WNT6: variants seen among roughly 807,000 people sequenced by gnomAD.
WNT6 encodes the protein protein Wnt-6.
A neutral mutation model predicts 33.1 loss-of-function variants in WNT6; 27 were observed. The ratio of observed to expected loss-of-function variants is 0.82; its 90% CI spans 0.60 to 1.12. The LOEUF (loss-of-function observed/expected upper bound fraction) is 1.12. Ranked by LOEUF, WNT6 falls within the 50% of genes most tolerant of loss-of-function variation. WNT6 has a pLI of 0.00. For missense variants in WNT6, 494 were observed against 535.3 expected (o/e 0.92, Z 0.76); for synonymous variants, 249 against 242.8 (o/e 1.03, Z -0.24).
intron 1 of WNT6, among the ~76,000 whole-genome samples, chr2:218,868,410 A>C (rs1944370999): frequency 6.6e-6 from 1 of 152,182 alleles, no homozygotes; most frequent in African/African-American, 2.4e-5. Context: ...AGATAAGGCC[A>C]GGCAACCCTG....
At chr2:218,866,248 G>A (rs1944353793) in intron 1 of WNT6, among the ~76,000 whole-genome samples, 1 of 152,146 alleles carries the variant, frequency 6.6e-6, no homozygotes, top group Non-Finnish European at 1.5e-5. Flanking sequence ...AGTAGGGGTG[G>A]GGAAATAGAG....
At position 218,871,046 on chromosome 2, in the gene WNT6, G is replaced by A; in HGVS notation, c.100G>A (p.Val34Ile). The change falls in exon 2 of 4, where the codon GTT (valine) becomes ATT (isoleucine). Residue 34 changes from valine (V) to isoleucine (I), a missense_variant. Transcript: ENST00000233948. This position sits in a 1 kb window ranked among gnomAD's most constrained non-coding sequence, Gnocchi z 6.4. ...TTCCAGGGCTGTGGGCAGCCCCTTGGTTATGGACCCTACCAGCATCTGCAG... is the reference window on the plus strand; with the variant it reads ...TTCCAGGGCTGTGGGCAGCCCCTTGATTATGGACCCTACCAGCATCTGCAG... The part of the protein sequence containing the change: ...GLWWAVGSPL[V>I]MDPTSICRKA... 1.2e-6 allele frequency: 2 copies of A among 1,612,602 alleles called. No individual in the cohort carries two copies. The highest frequency in any genetic ancestry group is 2.7e-5 in the African/African-American group (2 of 75,046).
intron 1 of WNT6, among the ~76,000 whole-genome samples, chr2:218,866,187 G>A (rs1264278656): frequency 6.6e-6 from 1 of 152,180 alleles, no homozygotes; most frequent in African/African-American, 2.4e-5. Flanking sequence ...CCAGGGCTCA[G>A]GGCTCCCTCT....
rs1406581591 is a variant in WNT6 at position 218,859,870 on chromosome 2, C to T, written c.-168C>T. 7.3e-6 allele frequency: 2 copies of T among 275,776 alleles called. No homozygotes were observed. The highest frequency in any genetic ancestry group is 1.2e-5 in the Non-Finnish European group (2 of 169,504). 17.1% of individuals were successfully genotyped at this position (275,776 alleles called of 1,614,324 possible). A position where few individuals can be genotyped will look rare whatever the true frequency, so the allele number is the denominator to read the frequency against. Reference sequence around the variant, plus strand: ...TGCCCCGTCCGCTCTCCGCCTCCGCCGCGCCCTCCTCGCCCGGGATGGGCC... The same window carrying T: ...TGCCCCGTCCGCTCTCCGCCTCCGCTGCGCCCTCCTCGCCCGGGATGGGCC... On this transcript the variant is annotated 5_prime_UTR_variant, in exon 1 of 4. Coordinates refer to ENST00000233948, the MANE Select transcript of WNT6 (RefSeq NM_006522.4).
rs1355033573 is a variant in WNT6 at position 218,859,898 on chromosome 2, C to T, written c.-140C>T. The stretch of plus-strand genomic sequence containing the variant: ...GCCCTCCTCGCCCGGGATGGGCCCC[C>T]CCGCCGCCGCCGGATCCCTCGCCTC... On this transcript the variant is annotated 5_prime_UTR_variant, in exon 1 of 4. Coordinates refer to ENST00000233948, the MANE Select transcript of WNT6 (RefSeq NM_006522.4). 35 of 542,894 alleles carry T rather than the reference C, an allele frequency of 6.4e-5. No homozygotes were observed. Among genetic ancestry groups the T allele is most frequent in the Non-Finnish European group, 8.2e-5 (33 of 404,438 alleles). 33.6% of individuals were successfully genotyped at this position (542,894 alleles called of 1,614,324 possible).
chr2:218,867,562 G>T lies in WNT6; in HGVS notation c.81-3465G>T, dbSNP rs973351001. ...TCCATTGCCTTGTCCCTTCTTGTCC[G>T]CATACTGATTTCTTTTAGGGCTAGC... On this transcript the variant is annotated intron_variant, in intron 1 of 3. Coordinates refer to ENST00000233948, the MANE Select transcript of WNT6 (RefSeq NM_006522.4). This position sits in a 1 kb window ranked among gnomAD's most constrained non-coding sequence, Gnocchi z 4.9. 7.2e-5 allele frequency among the ~76,000 whole-genome samples: 11 copies of T among 152,198 alleles called. No homozygotes were observed. The highest frequency in any genetic ancestry group is 1.5e-4 in the Non-Finnish European group (10 of 68,042).
chr2:218,865,935 T>TG (rs910155677), intron 1 of WNT6, among the ~76,000 whole-genome samples: 68 of 19,284 alleles, frequency 3.5e-3, no homozygotes, highest in African/African-American at 0.013. Context: ...ATGGGGTGGC[T>TG]GGGGGGGCAG....
chr2:218,871,682 T>G lies in WNT6; in HGVS notation c.499T>G (p.Trp167Gly). The G allele has an allele frequency of 6.4e-7, 1 of 1,563,708 alleles. No individual in the cohort carries two copies. Among genetic ancestry groups the G allele is most frequent in the Non-Finnish European group, 8.7e-7 (1 of 1,156,040 alleles). Residue 167 changes from tryptophan (W) to glycine (G), a missense_variant, in exon 3 of 4, where the codon TGG becomes GGG. Trp to Gly is a radical substitution (Grantham distance 184). Coordinates refer to ENST00000233948, the MANE Select transcript of WNT6 (RefSeq NM_006522.4). This position sits in a 1 kb window ranked among gnomAD's most constrained non-coding sequence, Gnocchi z 6.4. The part of the protein sequence containing the change: ...PAGSPEGSAA[W>G]EWGGCGDDVD... ...GGGCTCCCCGGAAGGCAGCGCCGCCTGGGAGTGGGGAGGCTGCGGCGACGA... is the reference window on the plus strand; with the variant it reads ...GGGCTCCCCGGAAGGCAGCGCCGCCGGGGAGTGGGGAGGCTGCGGCGACGA...
rs1181663678 is a variant in WNT6, at chr2:218,871,893, T to C, written c.636+74T>C. The C allele has an allele frequency of 1.9e-5, 22 of 1,178,216 alleles. No individual in the cohort carries two copies. The highest frequency in any genetic ancestry group is 2.3e-5 in the Non-Finnish European group (21 of 910,360). The allele number at this position is 1,178,216 out of a possible 1,614,324, so 73.0% of individuals were successfully genotyped here. Reference sequence around the variant, plus strand: ...GCGCAGGAGTGTGCTTGAGGAAGTGTTGGCAGGAGTGAGGGTGTGTAGGTG... The same window carrying C: ...GCGCAGGAGTGTGCTTGAGGAAGTGCTGGCAGGAGTGAGGGTGTGTAGGTG... On this transcript the variant is annotated intron_variant, in intron 3 of 3. Coordinates refer to ENST00000233948, the MANE Select transcript of WNT6 (RefSeq NM_006522.4). The surrounding 1 kb of genome is among the most constrained non-coding windows in gnomAD (Gnocchi z 6.4).
At chr2:218,861,066 A>T (rs556773811) in intron 1 of WNT6, among the ~76,000 whole-genome samples, 1 of 152,352 alleles carries the variant, frequency 6.6e-6, no homozygotes, top group Non-Finnish European at 1.5e-5. Context: ...AATCCTAAGA[A>T]GGCAGGGTCG....
Position 218,873,918 on chromosome 2 carries a change from C to G in WNT6, c.*73C>G. The G allele has an allele frequency of 7.4e-7, 1 of 1,359,398 alleles. No individual in the cohort carries two copies. The highest frequency in any genetic ancestry group is 9.5e-7 in the Non-Finnish European group (1 of 1,052,308). The allele number at this position is 1,359,398 out of a possible 1,614,324, so 84.2% of individuals were successfully genotyped here. ...CTGTGGGACCTCAGGGCACCGGCAC[C>G]GGGCGCCTCTCGCCGCTCGAGCCCA... is the stretch of plus-strand genomic sequence containing the variant. On this transcript the variant is annotated 3_prime_UTR_variant, in exon 4 of 4. Transcript: ENST00000233948. The surrounding 1 kb of genome is among the most constrained non-coding windows in gnomAD (Gnocchi z 6.1).
intron 1 of WNT6, among the ~76,000 whole-genome samples, chr2:218,861,678 A>C (rs1408847488): frequency 1.3e-5 from 2 of 152,108 alleles, no homozygotes; most frequent in African/African-American, 4.8e-5. Context: ...CCCTTTTTCA[A>C]GGTGTGGGGA....
chr2:218,862,071 G>T (rs1453705600), intron 1 of WNT6, among the ~76,000 whole-genome samples: 1 of 152,174 alleles, frequency 6.6e-6, no homozygotes, highest in African/African-American at 2.4e-5. Context: ...TGGCAGCCAA[G>T]CCAAAGGAGA....
At position 218,867,640 on chromosome 2, in the gene WNT6, A is replaced by G. The variant is rs1391017933; in HGVS notation, c.81-3387A>G. 2.0e-5 allele frequency among the ~76,000 whole-genome samples: 3 copies of G among 152,088 alleles called. No homozygotes were observed. The highest frequency in any genetic ancestry group is 3.8e-4 in the East Asian group (2 of 5,202). The stretch of plus-strand genomic sequence containing the variant: ...CTGTTTGATGAGGATCCCAGATCCT[A>G]TATATTGTGTATTCCCTACTACCAC... On this transcript the variant is annotated intron_variant, in intron 1 of 3. Transcript: ENST00000233948. The surrounding 1 kb of genome is among the most constrained non-coding windows in gnomAD (Gnocchi z 4.9).
chr2:218,870,904 G>T, intron 1 of WNT6, 123 bp from the exon 2 acceptor site: 1 of 852,654 alleles, frequency 1.2e-6, no homozygotes, highest in Non-Finnish European at 1.8e-6. Context: ...AGCTCAGTTT[G>T]GAGGTAGGGT....
intron 1 of WNT6, among the ~76,000 whole-genome samples, chr2:218,866,039 C>CA (rs2106003376): frequency 6.6e-6 from 1 of 151,676 alleles, no homozygotes; most frequent in Non-Finnish European, 1.5e-5. Context: ...CAGTAATTAC[C>CA]GAGTTAGACA....
rs2106005715 is a variant in WNT6 at position 218,871,642 on chromosome 2, A to G, written c.459A>G (p.Gly153=). The G allele has an allele frequency of 6.7e-7, 1 of 1,486,408 alleles. No homozygotes were observed. Among genetic ancestry groups the G allele is most frequent in the African/African-American group, 1.5e-5 (1 of 68,748 alleles). The allele number at this position is 1,486,408 out of a possible 1,614,324, so 92.1% of individuals were successfully genotyped here. Residue 153 remains glycine (G), a synonymous_variant, in exon 3 of 4, where the codon GGA becomes GGG. Transcript: ENST00000233948. This position sits in a 1 kb window ranked among gnomAD's most constrained non-coding sequence, Gnocchi z 6.4. The part of the protein sequence containing the change: ...PRPSGLPGTP[G]PPGPAGSPEG... Reference sequence around the variant, plus strand: ...CCTCCGGCCTGCCCGGCACCCCCGGACCCCCTGGCCCCGCGGGCTCCCCGG... The same window carrying G: ...CCTCCGGCCTGCCCGGCACCCCCGGGCCCCCTGGCCCCGCGGGCTCCCCGG...
In WNT6 at chr2:218,868,762, A is replaced by T. The variant is rs536270112; in HGVS notation, c.81-2265A>T. 4.6e-4 allele frequency among the ~76,000 whole-genome samples: 70 copies of T among 152,350 alleles called. 1 individual carries two copies. The South Asian group carries it at 0.014, about 31-fold the overall frequency. ...TAATATACTACAGGTATTACATGTGACACAGAATTCATACTATGCAATTTT... is the reference window on the plus strand; with the variant it reads ...TAATATACTACAGGTATTACATGTGTCACAGAATTCATACTATGCAATTTT... On this transcript the variant is annotated intron_variant, in intron 1 of 3. Transcript: ENST00000233948.
In WNT6 at chr2:218,867,826, T is replaced by C. The variant is rs999031615; in HGVS notation, c.81-3201T>C. Reference sequence around the variant, plus strand: ...AAGGTGAGTGGGGATGGGGGAGTTATTACTTGATGTGTTGTCAAAAGCCAA... The same window carrying C: ...AAGGTGAGTGGGGATGGGGGAGTTACTACTTGATGTGTTGTCAAAAGCCAA... On this transcript the variant is annotated intron_variant, in intron 1 of 3. Transcript: ENST00000233948. The surrounding 1 kb of genome is among the most constrained non-coding windows in gnomAD (Gnocchi z 4.9). Among the ~76,000 whole-genome samples, 2 of 152,168 alleles carry C rather than the reference T, an allele frequency of 1.3e-5. No individual in the cohort carries two copies. Among genetic ancestry groups the C allele is most frequent in the East Asian group, 1.9e-4 (1 of 5,192 alleles).
Sources: allele counts gnomAD v4.1 joint callset (sites outside exome capture counted in the v4.1 genomes callset), GRCh38; gene constraint gnomAD v4.1.1; non-coding constraint Gnocchi (gnomAD v3.1); transcripts MANE v1.5; gene names NCBI Gene and HGNC (gene_info 2026-07-23, HGNC 2026-07-21).